LONP2: variants seen among roughly 807,000 people sequenced by gnomAD.
The protein encoded by LONP2 is lon peptidase 2, peroxisomal, also known as lon protease homolog 2, peroxisomal.
In LONP2, 60 loss-of-function variants were observed where a neutral mutation model predicts 85.6. The ratio of observed to expected loss-of-function variants is 0.70; its 90% CI spans 0.57 to 0.87. The LOEUF (loss-of-function observed/expected upper bound fraction) is 0.87, where lower values mean the gene tolerates loss of function less well. Ranked by LOEUF, LONP2 falls within the 40% of genes least tolerant of loss-of-function variation. LONP2 has a pLI of 0.00. For missense variants in LONP2, 860 were observed against 1,063.5 expected, an observed-to-expected ratio of 0.81 and a Z score of 2.66; for synonymous variants, 395 against 389.7, an observed-to-expected ratio of 1.01 and a Z score of -0.16.
At chr16:48,267,110 G>A (rs1972005869) in intron 6 of LONP2, among the ~76,000 whole-genome samples, 1 of 152,142 alleles carries the variant, frequency 6.6e-6, no homozygotes, top group Non-Finnish European at 1.5e-5. Flanking sequence ...ATGTGTGTCA[G>A]CACTAGAGAT....
intron 11 of LONP2, among the ~76,000 whole-genome samples, 170 bp from the exon 12 acceptor site, chr16:48,334,046 A>G (rs1049206137): frequency 2.0e-5 from 3 of 152,226 alleles, no homozygotes; most frequent in African/African-American, 4.8e-5. Flanking sequence ...TGAAACACAA[A>G]TTATTTCACC....
Position 48,355,184 on chromosome 16 carries a change from T to C in LONP2, c.*3382T>C, listed in dbSNP as rs1480310872. 6.6e-6 allele frequency: 1 copy of C among 152,118 alleles called. No homozygotes were observed. Among genetic ancestry groups the C allele is most frequent in the Non-Finnish European group, 1.5e-5 (1 of 68,050 alleles). 9.4% of individuals were successfully genotyped at this position (152,118 alleles called of 1,614,324 possible). On this transcript the variant is annotated 3_prime_UTR_variant, in exon 15 of 15. Transcript: ENST00000285737. ...CCAGGAGCAGAACTACTAGATCACA[T>C]ATGCTAAGGTCTGAATGTCCCCCCA...
chr16:48,333,582 C>T (rs150774623), intron 11 of LONP2, among the ~76,000 whole-genome samples: 4 of 151,040 alleles, frequency 2.6e-5, no homozygotes, highest in Admixed American at 6.6e-5. Context: ...GAGTGAGGAT[C>T]GCTTGAGCCC....
At position 48,362,551 on chromosome 16, in the gene LONP2, GGA is replaced by G; in HGVS notation, c.*689_*690del. On this transcript the variant is annotated 3_prime_UTR_variant, in exon 5 of 5. Coordinates refer to the LONP2 transcript ENST00000565867. This position sits in a 1 kb window ranked among gnomAD's most constrained non-coding sequence, Gnocchi z 4.2. ...CATACAAAATTTACTGAGCAAAAGAGGAAGAAAAATAGGATTAAAAAAGATAT... is the reference window on the plus strand; with the variant it reads ...CATACAAAATTTACTGAGCAAAAGAGAGAAAAATAGGATTAAAAAAGATAT... The G allele has an allele frequency of 1.0e-6, 1 of 963,980 alleles. No homozygotes were observed. The highest frequency in any genetic ancestry group is 1.5e-6 in the Non-Finnish European group (1 of 650,174). The allele number at this position is 963,980 out of a possible 1,614,324, so 59.7% of individuals were successfully genotyped here.
chr16:48,317,957 G>A (rs1973179947), intron 11 of LONP2, among the ~76,000 whole-genome samples: 1 of 152,132 alleles, frequency 6.6e-6, no homozygotes, highest in South Asian at 2.1e-4. Flanking sequence ...TGCCTTAGGT[G>A]GGACAGTGAA....
intron 11 of LONP2, among the ~76,000 whole-genome samples, chr16:48,319,524 TTTATA>T (rs957909917): frequency 6.6e-6 from 1 of 152,096 alleles, no homozygotes; most frequent in Non-Finnish European, 1.5e-5. Flanking sequence ...TTAATATAGT[TTTATA>T]TTATATAGCC....
intron 12 of LONP2, among the ~76,000 whole-genome samples, chr16:48,338,957 A>C (rs1448350977): frequency 6.6e-6 from 1 of 152,166 alleles, no homozygotes; most frequent in Non-Finnish European, 1.5e-5. Context: ...AGAAGTAGAG[A>C]CATTTGGACA....
rs972653232 is a variant in LONP2 at position 48,348,005 on chromosome 16, C to T, written c.2147-95C>T. 13 of 1,177,410 alleles carry T rather than the reference C, an allele frequency of 1.1e-5. No homozygotes were observed. In the African/African-American group the frequency reaches 1.7e-4, roughly 16 times the overall value. The allele number at this position is 1,177,410 out of a possible 1,614,324, so 72.9% of individuals were successfully genotyped here. On this transcript the variant is annotated intron_variant, in intron 13 of 14. Coordinates refer to ENST00000285737, the MANE Select transcript of LONP2 (RefSeq NM_031490.5). ...CCAATATTTTGAAGAATTCATTTAC[C>T]CAAAACATTCATTTTTGTTTGTGAC...
At chr16:48,268,220 T>C (rs536342801) in intron 6 of LONP2, among the ~76,000 whole-genome samples, 1 of 152,324 alleles carries the variant, frequency 6.6e-6, no homozygotes, top group East Asian at 1.9e-4. Context: ...GAAAATAATT[T>C]ATACAGCATG....
chr16:48,264,871 G>C (rs187561379), intron 6 of LONP2, among the ~76,000 whole-genome samples: 1 of 152,090 alleles, frequency 6.6e-6, no homozygotes, highest in Non-Finnish European at 1.5e-5. Context: ...CCCGCAACAC[G>C]CTGTACCAAT....
rs1172505795 is a variant in LONP2 at position 48,362,764 on chromosome 16, G to A, written c.*901G>A. 2 of 230,470 alleles carry A rather than the reference G, an allele frequency of 8.7e-6. No homozygotes were observed. The highest frequency in any genetic ancestry group is 1.9e-5 in the Non-Finnish European group (2 of 107,982). The allele number at this position is 230,470 out of a possible 1,614,324, so 14.3% of individuals were successfully genotyped here. On this transcript the variant is annotated 3_prime_UTR_variant, in exon 5 of 5. Transcript: ENST00000565867. The surrounding 1 kb of genome is among the most constrained non-coding windows in gnomAD (Gnocchi z 4.2). ...AACTAAAGAAACTATACAAGGAACT[G>A]AAGTTTAATCGAATCCGTTTTGCTA...
chr16:48,252,998 T>A (rs74016337), intron 2 of LONP2, among the ~76,000 whole-genome samples: 1,860 of 152,292 alleles, frequency 0.012, 39 homozygotes, highest in African/African-American at 0.042. Context: ...TTCTATTAGT[T>A]TAATCCAGTG....
chr16:48,295,009 T>C (rs943628693), intron 8 of LONP2, among the ~76,000 whole-genome samples: 5 of 152,224 alleles, frequency 3.3e-5, no homozygotes, highest in Non-Finnish European at 7.3e-5. Context: ...TAGCAACAAG[T>C]GCCTGTGACT....
intron 8 of LONP2, among the ~76,000 whole-genome samples, chr16:48,287,290 G>A (rs1026601295): frequency 3.9e-5 from 6 of 152,244 alleles, no homozygotes; most frequent in Admixed American, 2.0e-4. Context: ...CTTAGAGCCT[G>A]CACATTCACA....
At position 48,270,031 on chromosome 16, in the gene LONP2, G is replaced by C; in HGVS notation, c.998G>C (p.Arg333Thr). ...NKSTTDRLDI[R>T]AARILLDNDH... ...TATTTGACAGACCGCCTGGACATTA[G>C]GGCAGCCCGGATTCTTCTGGATAAT... Residue 333 changes from arginine to threonine, a missense_variant, in exon 7 of 15, where the codon AGG becomes ACG. Arg to Thr is a moderately conservative substitution (Grantham distance 71, BLOSUM62 -1). Transcript: ENST00000285737. 6.2e-7 allele frequency: 1 copy of C among 1,613,698 alleles called. No homozygotes were observed. Among genetic ancestry groups the C allele is most frequent in the Non-Finnish European group, 8.5e-7 (1 of 1,179,820 alleles).
At chr16:48,287,886 G>A (rs1036444819) in intron 8 of LONP2, among the ~76,000 whole-genome samples, 3 of 152,114 alleles carry the variant, frequency 2.0e-5, no homozygotes, top group Admixed American at 6.5e-5. Context: ...GATTTTCAGA[G>A]TTTCTTACTC....
chr16:48,293,023 C>T (rs749356249), intron 8 of LONP2, among the ~76,000 whole-genome samples: 1 of 152,066 alleles, frequency 6.6e-6, no homozygotes, highest in Non-Finnish European at 1.5e-5. Context: ...TTTTTAAAAA[C>T]GCTAGTGTCT....
chr16:48,270,048 C>T lies in LONP2; in HGVS notation c.1015C>T (p.Leu339=), dbSNP rs1972070240. 1 of 1,613,966 alleles carries T rather than the reference C, an allele frequency of 6.2e-7. No individual in the cohort carries two copies. The highest frequency in any genetic ancestry group is 1.1e-5 in the South Asian group (1 of 91,062). The change falls in exon 7 of 15, where the codon CTG becomes TTG. Residue 339 remains leucine (L), a synonymous_variant. Transcript: ENST00000285737. ...GGACATTAGGGCAGCCCGGATTCTT[C>T]TGGATAATGACCATTACGCCATGGA... ...RLDIRAARIL[L]DNDHYAMEKL...
In LONP2 at chr16:48,244,528, T is replaced by C. The variant is rs1440106680; in HGVS notation, c.140T>C (p.Leu47Pro). The change falls in exon 1 of 15, where the codon CTG (leucine) becomes CCG (proline). Residue 47 changes from leucine (L) to proline (P), a missense_variant. Physicochemically the swap from Leu to Pro is moderately conservative, Grantham distance 98. This residue lies in a region of LONP2 where 743 missense variants were observed against 917.3 expected (regional missense o/e 0.81). Coordinates refer to ENST00000285737, the MANE Select transcript of LONP2 (RefSeq NM_031490.5). Reference protein sequence around the residue: ...RNLQLVRSRLLKGTSLQSTIL... With the variant: ...RNLQLVRSRLPKGTSLQSTIL... ...CTGCAGCTGGTGCGGAGCCGCCTTCTGAAGGGCACGTCGCTGCAAAGCACC... is the reference window on the plus strand; with the variant it reads ...CTGCAGCTGGTGCGGAGCCGCCTTCCGAAGGGCACGTCGCTGCAAAGCACC... 1.3e-6 allele frequency: 2 copies of C among 1,580,668 alleles called. No homozygotes were observed. Among genetic ancestry groups the C allele is most frequent in the Admixed American group, 3.6e-5 (2 of 55,156 alleles).
Sources: allele counts gnomAD v4.1 joint callset (sites outside exome capture counted in the v4.1 genomes callset), GRCh38; gene constraint gnomAD v4.1.1; regional missense constraint gnomAD v4.1.1; non-coding constraint Gnocchi (gnomAD v3.1); transcripts MANE v1.5; gene names NCBI Gene and HGNC (gene_info 2026-07-23, HGNC 2026-07-21).